RELN: variants seen among roughly 807,000 people sequenced by gnomAD.
The protein encoded by RELN is reelin.
A neutral mutation model predicts 427.6 loss-of-function variants in RELN; 108 were observed. The ratio of observed to expected loss-of-function variants is 0.25; its 90% confidence interval spans 0.22 to 0.30. The LOEUF (loss-of-function observed/expected upper bound fraction) is 0.30. RELN is among the 10% of genes least tolerant of loss of function. The probability of loss-of-function intolerance (pLI) is 1.00; values close to 1 mark genes in which losing one functional copy is unlikely to be tolerated. For synonymous variants in RELN, 1,524 were observed against 1,513.4 expected, an observed-to-expected ratio of 1.01 and a Z score of -0.16; for missense variants, 3,715 against 4,302.8, an observed-to-expected ratio of 0.86 and a Z score of 3.82.
intron 20 of RELN, among the ~76,000 whole-genome samples, chr7:103,623,091 C>G (rs1398690502): frequency 6.6e-6 from 1 of 152,180 alleles, no homozygotes; most frequent in Non-Finnish European, 1.5e-5. Flanking sequence ...TTTATAGAGG[C>G]ACTGAAAGTC....
intron 41 of RELN, among the ~76,000 whole-genome samples, chr7:103,546,129 A>G (rs980470129): frequency 6.6e-6 from 1 of 152,192 alleles, no homozygotes; most frequent in African/African-American, 2.4e-5. Context: ...AGGAAACCCC[A>G]TGCCCACTGA....
At chr7:103,579,770 C>T (rs1584314253) in intron 28 of RELN, among the ~76,000 whole-genome samples, 2 of 152,100 alleles carry the variant, frequency 1.3e-5, no homozygotes, top group Non-Finnish European at 1.5e-5. Context: ...CTAAGTGAAT[C>T]GATTTCTGCA....
In RELN at chr7:103,502,907, G is replaced by A. The variant is rs1829083512; in HGVS notation, c.8489+109C>T. The A allele has an allele frequency of 7.6e-6, 7 of 926,412 alleles. 1 individual carries two copies. In the South Asian group the frequency reaches 8.4e-5, roughly 11 times the overall value. The allele number at this position is 926,412 out of a possible 1,614,324, so 57.4% of individuals were successfully genotyped here. ...GAGAACCTTTAGAGTTAGGGAGAAA[G>A]AAAGCACTTTACCCACAAATACACA... On this transcript the variant is annotated intron_variant, in intron 52 of 64. Coordinates refer to ENST00000428762, the MANE Select transcript of RELN (RefSeq NM_005045.4).
rs976170143 is a variant in RELN, at chr7:103,989,146, C to G, written c.211G>C (p.Gly71Arg). 2.5e-6 allele frequency: 4 copies of G among 1,613,844 alleles called. No homozygotes were observed. The highest frequency in any genetic ancestry group is 2.7e-5 in the African/African-American group (2 of 74,898). ...IAGNPTYYVPGQEYHVTISTS... is the reference protein window; with the variant it reads ...IAGNPTYYVPRQEYHVTISTS... ...CGGTACCTACCATGGTATTCTTGTCCCGGAACGTAGTAGGTGGGGTTGCCC... is the reference window on the plus strand; with the variant it reads ...CGGTACCTACCATGGTATTCTTGTCGCGGAACGTAGTAGGTGGGGTTGCCC... The change falls in exon 1 of 65, where the codon GGA becomes CGA. Residue 71 changes from glycine (G) to arginine (R), a missense_variant. By Grantham distance (125) the Gly-to-Arg change is moderately radical. Around this residue, in one of 4 missense-constraint regions of RELN, gnomAD observed 2,208 missense variants for 2,361.7 expected, o/e 0.93. Transcript: ENST00000428762. This position sits in a 1 kb window ranked among gnomAD's most constrained non-coding sequence, Gnocchi z 4.9.
At chr7:103,751,642 C>G (rs977211899) in intron 5 of RELN, among the ~76,000 whole-genome samples, 76 of 152,238 alleles carry the variant, frequency 5.0e-4, no homozygotes, top group African/African-American at 1.8e-3. Context: ...GATACCCAAT[C>G]TGGCCGAGAC....
chr7:103,697,421 G>T (rs1025198456), intron 10 of RELN, among the ~76,000 whole-genome samples: 1 of 151,956 alleles, frequency 6.6e-6, no homozygotes, highest in Non-Finnish European at 1.5e-5. Context: ...CCCTGCCTTT[G>T]TAACCCCCCA....
intron 45 of RELN, among the ~76,000 whole-genome samples, chr7:103,536,978 C>G (rs1830066787): frequency 6.6e-6 from 1 of 152,188 alleles, no homozygotes. Context: ...CTTAGAAGTC[C>G]TTTCACTTGA....
intron 3 of RELN, among the ~76,000 whole-genome samples, chr7:103,814,416 T>C (rs1197281951): frequency 6.6e-6 from 1 of 152,226 alleles, no homozygotes; most frequent in African/African-American, 2.4e-5. Flanking sequence ...GTTAGTGCTA[T>C]ACACTTAACA....
intron 2 of RELN, among the ~76,000 whole-genome samples, chr7:103,883,067 A>T (rs1240612241): frequency 6.6e-6 from 1 of 152,236 alleles, no homozygotes; most frequent in African/African-American, 2.4e-5. Context: ...ATCCAGCAGC[A>T]CATCAAAAAT....
intron 41 of RELN, among the ~76,000 whole-genome samples, chr7:103,547,556 C>G (rs2117145480): frequency 6.6e-6 from 1 of 152,324 alleles, no homozygotes; most frequent in Admixed American, 6.5e-5. Context: ...CTTGGCCTCT[C>G]AAAGTGCTGG....
chr7:103,826,320 A>ATGTGTGTGTGTGTGTGTGTGTGTGTGTG (rs71154374), intron 3 of RELN, among the ~76,000 whole-genome samples: 4 of 121,970 alleles, frequency 3.3e-5, no homozygotes, highest in Non-Finnish European at 5.7e-5. Flanking sequence ...GACTAAGACA[A>ATGTGTGTGTGTGTGTGTGTGTGTGTGTG]TGTGTGTGTG....
In RELN at chr7:103,472,861, A is replaced by C. The variant is rs1165809569; in HGVS notation, c.10334T>G (p.Leu3445Arg). The change falls in exon 65 of 65, where the codon CTC becomes CGC. Residue 3445 changes from leucine (L) to arginine (R), a missense_variant. Physicochemically the swap from Leu to Arg is moderately radical, Grantham distance 102. Transcript: ENST00000428762. Reference sequence around the variant, plus strand: ...TCGTCTTCTGTTGTAGAAATGTCTGAGCCCATGTTGTCGTGAAAAATTCAT... The same window carrying C: ...TCGTCTTCTGTTGTAGAAATGTCTGCGCCCATGTTGTCGTGAAAAATTCAT... ...YMMNFSRQHG[L>R]RHFYNRRRRS... The C allele has an allele frequency of 6.2e-7, 1 of 1,613,840 alleles. No homozygotes were observed. Among genetic ancestry groups the C allele is most frequent in the Non-Finnish European group, 8.5e-7 (1 of 1,179,870 alleles).
chr7:103,813,182 A>G (rs147965859), intron 3 of RELN, among the ~76,000 whole-genome samples: 1 of 152,092 alleles, frequency 6.6e-6, no homozygotes, highest in African/African-American at 2.4e-5. Context: ...ATATTAATAC[A>G]TGGCCAATTG....
intron 20 of RELN, among the ~76,000 whole-genome samples, chr7:103,628,514 C>A (rs960523374): frequency 2.0e-5 from 3 of 152,240 alleles, no homozygotes; most frequent in Admixed American, 6.5e-5. Context: ...GCTGTACTTC[C>A]ATTCCATTAG....
chr7:103,871,747 G>C (rs1214780991), intron 2 of RELN, among the ~76,000 whole-genome samples: 1 of 152,044 alleles, frequency 6.6e-6, no homozygotes, highest in Non-Finnish European at 1.5e-5. Context: ...GAGAGAAGGA[G>C]AATGGAAGAG....
At chr7:103,877,923 T>C (rs150916801) in intron 2 of RELN, among the ~76,000 whole-genome samples, 3,803 of 150,124 alleles carry the variant, frequency 0.025, 150 homozygotes, top group African/African-American at 0.089. Context: ...TGGTACAATC[T>C]TGGCTCACTG....
intron 41 of RELN, among the ~76,000 whole-genome samples, chr7:103,546,412 T>C (rs1273562357): frequency 6.6e-6 from 1 of 152,222 alleles, no homozygotes; most frequent in Non-Finnish European, 1.5e-5. Context: ...TTGATGGACA[T>C]TTGGTTGTTT....
intron 57 of RELN, among the ~76,000 whole-genome samples, chr7:103,495,447 G>A (rs1197044556): frequency 7.1e-6 from 1 of 139,960 alleles, no homozygotes; most frequent in African/African-American, 2.7e-5. Context: ...TGGGATTATA[G>A]GCATGGTTCC....
chr7:103,500,636 C>G (rs563351490), intron 53 of RELN, 109 bp downstream of exon 53: 1 of 1,088,714 alleles, frequency 9.2e-7, no homozygotes, highest in Non-Finnish European at 1.4e-6. Context: ...GATTTTCTTT[C>G]CTGGGGGACC....
Sources: allele counts gnomAD v4.1 joint callset (sites outside exome capture counted in the v4.1 genomes callset), GRCh38; gene constraint gnomAD v4.1.1; regional missense constraint gnomAD v4.1.1; non-coding constraint Gnocchi (gnomAD v3.1); transcripts MANE v1.5; gene names NCBI Gene and HGNC (gene_info 2026-07-23, HGNC 2026-07-21).